MERTK: variants seen among roughly 807,000 people sequenced by gnomAD.
MERTK encodes MER proto-oncogene, tyrosine kinase, also known as tyrosine-protein kinase Mer.
In MERTK, 69 loss-of-function variants were observed where a neutral mutation model predicts 99.3. The observed-to-expected ratio is 0.70, with a 90% confidence interval of 0.57 to 0.85. The LOEUF (loss-of-function observed/expected upper bound fraction) is 0.85. MERTK is among the 40% of genes least tolerant of loss of function. The pLI, the probability that MERTK is intolerant of heterozygous loss-of-function variation, is 0.00. For synonymous variants in MERTK, 426 were observed against 467.6 expected (o/e 0.91, Z 1.15); for missense variants, 1,125 against 1,249.4 (o/e 0.90, Z 1.50).
chr2:111,965,335 T>A lies in MERTK; in HGVS notation c.844+58T>A. 3 of 1,560,594 alleles carry A rather than the reference T, an allele frequency of 1.9e-6. No individual in the cohort carries two copies. In the South Asian group the frequency reaches 3.3e-5, roughly 17 times the overall value. On this transcript the variant is annotated intron_variant, in intron 5 of 18. Coordinates refer to ENST00000295408, the MANE Select transcript of MERTK (RefSeq NM_006343.3). ...TCTGGGAGCTGGTGAGGGTACAGCA[T>A]GAGCTTGCAGCTGGCTGCCTGGGTG...
At chr2:111,926,192 T>C (rs896634961) in intron 1 of MERTK, among the ~76,000 whole-genome samples, 1 of 152,214 alleles carries the variant, frequency 6.6e-6, no homozygotes, top group Admixed American at 6.5e-5. Context: ...CACAACAAAT[T>C]TGTTAAGTTC....
Position 112,029,499 on chromosome 2 carries a change from G to C in MERTK, c.*635G>C, listed in dbSNP as rs1431080615. ...ACCATTCTTGGCATTGCTTTATAGA[G>C]ATATGGAAAAACCACACCAGGGTCT... On this transcript the variant is annotated 3_prime_UTR_variant, in exon 19 of 19. Transcript: ENST00000295408. The C allele has an allele frequency of 4.3e-6, 1 of 232,212 alleles. No homozygotes were observed. Among genetic ancestry groups the C allele is most frequent in the Non-Finnish European group, 7.1e-6 (1 of 141,446 alleles). 14.4% of individuals were successfully genotyped at this position (232,212 alleles called of 1,614,324 possible).
At chr2:111,942,390 C>T (rs1018486606) in intron 2 of MERTK, among the ~76,000 whole-genome samples, 3 of 152,308 alleles carry the variant, frequency 2.0e-5, no homozygotes, top group Middle Eastern at 3.4e-3. Context: ...AAGCCAGGGT[C>T]ACCGCTCAAC....
At chr2:111,914,101 C>CTTTTTTTTTTTTTTTTTTTTTTTTTTTTT (rs765850254) in intron 1 of MERTK, among the ~76,000 whole-genome samples, 8 of 94,438 alleles carry the variant, frequency 8.5e-5, no homozygotes, top group Non-Finnish European at 1.0e-4. Flanking sequence ...TTCTTTCTTT[C>CTTTTTTTTTTTTTTTTTTTTTTTTTTTTT]TTTTTTTTTT....
chr2:111,954,329 C>T (rs754796897), intron 4 of MERTK, among the ~76,000 whole-genome samples: 10 of 152,180 alleles, frequency 6.6e-5, no homozygotes, highest in Non-Finnish European at 1.3e-4. Flanking sequence ...ACACAGATCA[C>T]GGCTCTCCTC....
intron 1 of MERTK, among the ~76,000 whole-genome samples, chr2:111,925,318 T>TTTTTTG (rs1684541643): frequency 9.8e-6 from 1 of 102,412 alleles, no homozygotes; most frequent in Non-Finnish European, 2.1e-5. Flanking sequence ...TTTTTTTTTT[T>TTTTTTG]GAGATGGATT....
chr2:111,936,436 A>G (rs1173472399), intron 2 of MERTK, among the ~76,000 whole-genome samples: 2 of 152,174 alleles, frequency 1.3e-5, no homozygotes, highest in Non-Finnish European at 2.9e-5. Context: ...TAAATGAAAA[A>G]TTCTTTTTAA....
intron 1 of MERTK, among the ~76,000 whole-genome samples, chr2:111,917,974 T>A (rs1430767090): frequency 7.0e-6 from 1 of 142,218 alleles, no homozygotes; most frequent in East Asian, 2.1e-4. Flanking sequence ...TTAAATATAT[T>A]CATAATGTTG....
At chr2:111,938,694 T>C (rs778089491) in intron 2 of MERTK, among the ~76,000 whole-genome samples, 2 of 152,208 alleles carry the variant, frequency 1.3e-5, no homozygotes, top group African/African-American at 2.4e-5. Flanking sequence ...CTCATTCAGA[T>C]GTTTGTATTT....
intron 15 of MERTK, among the ~76,000 whole-genome samples, chr2:112,013,769 G>A (rs573837593): frequency 1.3e-4 from 20 of 152,022 alleles, no homozygotes; most frequent in Non-Finnish European, 2.6e-4. Flanking sequence ...TGTGAGTGGC[G>A]GCACCACATC....
intron 1 of MERTK, among the ~76,000 whole-genome samples, chr2:111,906,575 G>A (rs1684139905): frequency 6.6e-6 from 1 of 152,218 alleles, no homozygotes; most frequent in Non-Finnish European, 1.5e-5. Context: ...AATATTCATG[G>A]ACTTCCCAAG....
chr2:112,023,784 C>T (rs1016454592), intron 18 of MERTK, among the ~76,000 whole-genome samples: 2 of 152,056 alleles, frequency 1.3e-5, no homozygotes, highest in Non-Finnish European at 2.9e-5. Flanking sequence ...GCATTCTCAC[C>T]ATATTTAGCA....
intron 4 of MERTK, among the ~76,000 whole-genome samples, chr2:111,963,783 A>G (rs1685302545): frequency 1.3e-5 from 2 of 151,896 alleles, no homozygotes; most frequent in South Asian, 4.2e-4. Context: ...CACAGTAACA[A>G]TCTGATCTCT....
chr2:111,912,950 C>G (rs1326852010), intron 1 of MERTK: 11 of 821,646 alleles, frequency 1.3e-5, no homozygotes, highest in Non-Finnish European at 1.3e-5. Context: ...CGTTTAGCAT[C>G]TGGGAACCTC....
chr2:112,009,844 T>C, intron 14 of MERTK, 104 bp from the exon 15 acceptor site: 1 of 884,394 alleles, frequency 1.1e-6, no homozygotes. Flanking sequence ...TTCAAACTGT[T>C]AACTTGGTAA....
chr2:111,935,708 G>T (rs998637384), intron 2 of MERTK, among the ~76,000 whole-genome samples: 10 of 150,226 alleles, frequency 6.7e-5, no homozygotes, highest in African/African-American at 2.4e-4. Flanking sequence ...TAATAGTAAT[G>T]TATGTATTTT....
chr2:111,990,465 T>C (rs1205378334), intron 8 of MERTK, among the ~76,000 whole-genome samples: 2 of 152,232 alleles, frequency 1.3e-5, no homozygotes, highest in Non-Finnish European at 2.9e-5. Context: ...GCTATGATGC[T>C]GGCCATCATC....
intron 1 of MERTK, among the ~76,000 whole-genome samples, chr2:111,921,183 C>A (rs559820847): frequency 9.2e-5 from 14 of 152,200 alleles, no homozygotes; most frequent in African/African-American, 3.4e-4. Flanking sequence ...TCTGCGTTTT[C>A]TCCTAGAGAG....
At chr2:111,917,616 G>A (rs1342705933) in intron 1 of MERTK, among the ~76,000 whole-genome samples, 5 of 152,186 alleles carry the variant, frequency 3.3e-5, no homozygotes, top group African/African-American at 4.8e-5. Context: ...GCCAGGCGCA[G>A]TGGCCGACGC....
Sources: gnomAD v4.1 joint callset for allele counts (sites outside exome capture counted in the v4.1 genomes callset) on GRCh38, gnomAD v4.1.1 for gene constraint, MANE v1.5 for transcripts, NCBI Gene and HGNC (gene_info 2026-07-23, HGNC 2026-07-21) for gene names.